ZFPM1: variants seen among roughly 807,000 people sequenced by gnomAD.
ZFPM1 encodes the protein zinc finger protein ZFPM1.
In ZFPM1, 28 loss-of-function variants were observed where a neutral mutation model predicts 46.3. The ratio of observed to expected loss-of-function variants is 0.60; its 90% CI spans 0.45 to 0.83. The LOEUF is 0.83. Among genes scored for constraint, ZFPM1 ranks in the 40% least tolerant of loss-of-function variants. The probability of loss-of-function intolerance (pLI) is 0.00; values close to 1 mark genes in which losing one functional copy is unlikely to be tolerated. For missense variants in ZFPM1, 1,878 were observed against 1,432.4 expected, an observed-to-expected ratio of 1.31 and a Z score of -5.02; for synonymous variants, 957 against 675.9, an observed-to-expected ratio of 1.42 and a Z score of -6.45.
intron 3 of ZFPM1, 149 bp downstream of exon 3, chr16:88,489,302 C>G (rs912712949): frequency 2.4e-6 from 3 of 1,247,186 alleles, no homozygotes; most frequent in Non-Finnish European, 3.2e-6. Context: ...AAAGCTCAGC[C>G]AACCCGTGCA....
rs1041276449 is a variant in ZFPM1 at position 88,536,047 on chromosome 16, G to T, written c.*1068G>T. 6.6e-6 allele frequency: 1 copy of T among 152,042 alleles called. No homozygotes were observed. The highest frequency in any genetic ancestry group is 2.4e-5 in the African/African-American group (1 of 41,364). The allele number at this position is 152,042 out of a possible 1,614,324, so 9.4% of individuals were successfully genotyped here. On this transcript the variant is annotated 3_prime_UTR_variant, in exon 10 of 10. Transcript: ENST00000319555. Reference sequence around the variant, plus strand: ...CACGGCTCATTGCAGCCTTGACCTCGTGAGCTCAAGTGATCTTCCCACCTC... The same window carrying T: ...CACGGCTCATTGCAGCCTTGACCTCTTGAGCTCAAGTGATCTTCCCACCTC...
chr16:88,532,438 G>A (rs763636568), intron 7 of ZFPM1, among the ~76,000 whole-genome samples, 176 bp from the exon 8 acceptor site: 1 of 152,148 alleles, frequency 6.6e-6, no homozygotes, highest in East Asian at 1.9e-4. Flanking sequence ...CTGAGGGCTG[G>A]GCCCACTGCT....
At chr16:88,477,971 A>T (rs1908759168) in intron 1 of ZFPM1, among the ~76,000 whole-genome samples, 1 of 145,298 alleles carries the variant, frequency 6.9e-6, no homozygotes, top group African/African-American at 2.5e-5. Context: ...CTCGGAGGGG[A>T]GAACAGGGAG....
intron 9 of ZFPM1, 84 bp downstream of exon 9, chr16:88,533,019 G>A (rs1468121622): frequency 1.6e-5 from 25 of 1,567,010 alleles, no homozygotes; most frequent in Admixed American, 3.6e-5. Flanking sequence ...CAAGACAGGT[G>A]GGGGTCCGTT....
intron 2 of ZFPM1, among the ~76,000 whole-genome samples, chr16:88,487,071 A>G (rs1416995890): frequency 2.0e-5 from 3 of 152,168 alleles, no homozygotes; most frequent in Non-Finnish European, 4.4e-5. Flanking sequence ...GGCATTTCCC[A>G]AGCCGGAAGG....
chr16:88,532,233 G>A lies in ZFPM1; in HGVS notation c.944G>A (p.Ser315Asn). The change falls in exon 7 of 10, where the codon AGC becomes AAC. Residue 315 changes from serine to asparagine, a missense_variant and splice_region_variant. By Grantham distance (46) the Ser-to-Asn change is conservative. Coordinates refer to ENST00000319555, the MANE Select transcript of ZFPM1 (RefSeq NM_153813.3). The part of the protein sequence containing the change: ...SSLEIHMRSH[S>N]GERPFVCLIC... ...CTGGAGATCCACATGCGCAGCCACA[G>A]CGGTGAGCCCCCACCCCGGACGCGG... 2.5e-6 allele frequency: 4 copies of A among 1,598,400 alleles called. No individual in the cohort carries two copies. The highest frequency in any genetic ancestry group is 2.6e-6 in the Non-Finnish European group (3 of 1,169,604).
At chr16:88,481,483 G>C (rs1174626444) in intron 1 of ZFPM1, among the ~76,000 whole-genome samples, 2 of 146,554 alleles carry the variant, frequency 1.4e-5, no homozygotes, top group African/African-American at 5.1e-5. Flanking sequence ...AGTCGGCCTT[G>C]CTGGGCCTTG....
intron 4 of ZFPM1, among the ~76,000 whole-genome samples, chr16:88,519,266 TGGA>T (rs1462767957): frequency 6.8e-6 from 1 of 146,262 alleles, no homozygotes; most frequent in Non-Finnish European, 1.5e-5. Flanking sequence ...GATGGATGAG[TGGA>T]GGGATGGATG....
Position 88,480,438 on chromosome 16 carries a change from A to C in ZFPM1, c.41-5501A>C, listed in dbSNP as rs1413913709. Among the ~76,000 whole-genome samples, 2 of 152,178 alleles carry C rather than the reference A, an allele frequency of 1.3e-5. No individual in the cohort carries two copies. The highest frequency in any genetic ancestry group is 2.9e-5 in the Non-Finnish European group (2 of 68,028). Reference sequence around the variant, plus strand: ...GGGAGCGGATGAAAGAGTGAAGGAAAGAGCCGTGGTGCTGGTGGGGGAGGA... The same window carrying C: ...GGGAGCGGATGAAAGAGTGAAGGAACGAGCCGTGGTGCTGGTGGGGGAGGA... On this transcript the variant is annotated intron_variant, in intron 1 of 9. Coordinates refer to ENST00000319555, the MANE Select transcript of ZFPM1 (RefSeq NM_153813.3). This position sits in a 1 kb window ranked among gnomAD's most constrained non-coding sequence, Gnocchi z 4.9.
At chr16:88,488,819 C>T (rs1177969969) in intron 2 of ZFPM1, among the ~76,000 whole-genome samples, 2 of 152,186 alleles carry the variant, frequency 1.3e-5, no homozygotes, top group Admixed American at 1.3e-4. Flanking sequence ...ATCTTTGAAG[C>T]AATTAATGAG....
At chr16:88,458,394 C>T (rs928081282) in intron 1 of ZFPM1, among the ~76,000 whole-genome samples, 4 of 152,360 alleles carry the variant, frequency 2.6e-5, no homozygotes, top group South Asian at 2.1e-4. Flanking sequence ...CTGGGACTGC[C>T]GTCAGCCCCG....
chr16:88,521,432 TC>T (rs1337373619), intron 4 of ZFPM1, among the ~76,000 whole-genome samples: 2 of 151,706 alleles, frequency 1.3e-5, no homozygotes, highest in African/African-American at 4.9e-5. Context: ...CCCAGCCCCA[TC>T]CCCAGGTGAG....
At chr16:88,501,287 G>A (rs1307080691) in intron 3 of ZFPM1, among the ~76,000 whole-genome samples, 1 of 129,882 alleles carries the variant, frequency 7.7e-6, no homozygotes, top group Non-Finnish European at 1.7e-5. Context: ...TGGGTGCGGG[G>A]GCCCTCCCGC....
At chr16:88,517,057 C>G (rs1351308603) in intron 4 of ZFPM1, among the ~76,000 whole-genome samples, 1 of 152,176 alleles carries the variant, frequency 6.6e-6, no homozygotes, top group African/African-American at 2.4e-5. Flanking sequence ...AGCAACAGCT[C>G]CCACCCCTGC....
rs561697545 is a variant in ZFPM1, at chr16:88,482,844, G to T, written c.41-3095G>T. ...GGGGAGGAGCCGGGCTGAGCTGATCGTTCCGCGTGCTCCCGCCAAGTCGGG... is the reference window on the plus strand; with the variant it reads ...GGGGAGGAGCCGGGCTGAGCTGATCTTTCCGCGTGCTCCCGCCAAGTCGGG... On this transcript the variant is annotated intron_variant, in intron 1 of 9. Coordinates refer to ENST00000319555, the MANE Select transcript of ZFPM1 (RefSeq NM_153813.3). Among the ~76,000 whole-genome samples the T allele has an allele frequency of 2.6e-5, 4 of 152,306 alleles. No homozygotes were observed. In the East Asian group the frequency reaches 7.7e-4, roughly 29 times the overall value.
At chr16:88,515,167 A>G (rs1029998222) in intron 4 of ZFPM1, among the ~76,000 whole-genome samples, 3 of 152,260 alleles carry the variant, frequency 2.0e-5, no homozygotes, top group Admixed American at 6.5e-5. Flanking sequence ...CAGCTAAGAA[A>G]GGGCACTGGT....
intron 4 of ZFPM1, among the ~76,000 whole-genome samples, chr16:88,522,310 G>T (rs1169231734): frequency 6.6e-6 from 1 of 152,234 alleles, no homozygotes; most frequent in Non-Finnish European, 1.5e-5. Flanking sequence ...TAAGGTGATG[G>T]GGAGGTGGAG....
Position 88,533,403 on chromosome 16 carries a change from G to A in ZFPM1, c.1445G>A (p.Gly482Glu). ...CCCATCCTGGGCCCCGGAGAGCCTG[G>A]GCCCCAGGCCCCGTCGCGGACGCCG... ...AAPILGPGEP[G>E]PQAPSRTPSP... is the part of the protein sequence containing the mutation. Residue 482 changes from glycine to glutamate, a missense_variant, in exon 10 of 10, where the codon GGG becomes GAG. Gly to Glu is a moderately conservative substitution (Grantham distance 98, BLOSUM62 -2). Transcript: ENST00000319555. 1 of 1,503,318 alleles carries A rather than the reference G, an allele frequency of 6.7e-7. No individual in the cohort carries two copies. Among genetic ancestry groups the A allele is most frequent in the Non-Finnish European group, 8.8e-7 (1 of 1,134,886 alleles). 93.1% of individuals were successfully genotyped at this position (1,503,318 alleles called of 1,614,324 possible).
chr16:88,525,916 G>A (rs1051076098), intron 4 of ZFPM1, among the ~76,000 whole-genome samples: 2 of 152,232 alleles, frequency 1.3e-5, no homozygotes, highest in Non-Finnish European at 2.9e-5. Flanking sequence ...TTTCCTTCCA[G>A]ACTTAGCCTG....
Sources: allele counts gnomAD v4.1 joint callset (sites outside exome capture counted in the v4.1 genomes callset), GRCh38; gene constraint gnomAD v4.1.1; non-coding constraint Gnocchi (gnomAD v3.1); transcripts MANE v1.5; gene names NCBI Gene and HGNC (gene_info 2026-07-23, HGNC 2026-07-21).